Variants in DHX40 observed in about 807,000 individuals in gnomAD.
DHX40 encodes the protein DEAH-box helicase 40.
DHX40 carries 28 observed loss-of-function variants against 89.6 expected under a neutral mutation model. The observed-to-expected ratio is 0.31, with a 90% CI of 0.23 to 0.43. The LOEUF (loss-of-function observed/expected upper bound fraction) is 0.43. Among genes scored for constraint, DHX40 ranks in the 20% least tolerant of loss-of-function variants. The probability of loss-of-function intolerance (pLI) is 1.00; values close to 1 mark genes in which losing one functional copy is unlikely to be tolerated. For synonymous variants in DHX40, 226 were observed against 283.6 expected, an observed-to-expected ratio of 0.80 and a Z score of 2.04; for missense variants, 457 against 844.0, an observed-to-expected ratio of 0.54 and a Z score of 5.68.
chr17:59,571,578 C>A (rs1023838946), intron 3 of DHX40, among the ~76,000 whole-genome samples: 3 of 151,922 alleles, frequency 2.0e-5, no homozygotes, highest in South Asian at 2.1e-4. Flanking sequence ...TCTCCCTCCC[C>A]CTAGCCTCTG....
intron 8 of DHX40, among the ~76,000 whole-genome samples, chr17:59,577,699 C>T (rs1428180277): frequency 6.6e-6 from 1 of 151,904 alleles, no homozygotes; most frequent in Non-Finnish European, 1.5e-5. Context: ...CCAATCCTCC[C>T]GCCTCAGTCT....
chr17:59,566,427 A>G (rs971612274), intron 1 of DHX40, among the ~76,000 whole-genome samples, 200 bp from the exon 2 acceptor site: 11 of 152,242 alleles, frequency 7.2e-5, no homozygotes, highest in African/African-American at 2.7e-4. Flanking sequence ...GATTTCACCA[A>G]AAAGTTGTTC....
chr17:59,600,804 A>ACTACACT (rs2030455207), intron 14 of DHX40, among the ~76,000 whole-genome samples: 2 of 151,450 alleles, frequency 1.3e-5, no homozygotes. Context: ...GTATGATGCC[A>ACTACACT]CTACACTCTA....
Position 59,575,451 on chromosome 17 carries a change from G to C in DHX40, c.953G>C (p.Cys318Ser). The C allele has an allele frequency of 1.2e-6, 2 of 1,612,676 alleles. No individual in the cohort carries two copies. The highest frequency in any genetic ancestry group is 8.5e-7 in the Non-Finnish European group (1 of 1,179,520). ...CTCGATGGCTTGTTAATATTGCCGT[G>C]TTATGGATCAATGACAACAGGTAAT... ...TTLDGLLILP[C>S]YGSMTTDQQR... is the part of the protein sequence containing the mutation. The change falls in exon 7 of 18, where the codon TGT becomes TCT. Residue 318 changes from cysteine to serine, a missense_variant. This residue lies in a region of DHX40 where 116 missense variants were observed against 188.9 expected (regional missense o/e 0.61). Transcript: ENST00000251241.
rs575673537 is a variant in DHX40 at position 59,603,828 on chromosome 17, G to C, written c.1901+1212G>C. On this transcript the variant is annotated intron_variant, in intron 15 of 17. Transcript: ENST00000251241. ...AATAAAAATCATGTTCTTCCTGATA[G>C]GATACAATGAGAAAAACACAGCATT... The C allele has an allele frequency of 2.0e-5, 3 of 152,242 alleles. No homozygotes were observed. In the South Asian group the frequency reaches 6.2e-4, roughly 32 times the overall value. 9.4% of individuals were successfully genotyped at this position (152,242 alleles called of 1,614,324 possible).
chr17:59,589,464 AC>A (rs1598161868), intron 12 of DHX40, among the ~76,000 whole-genome samples: 1 of 140,682 alleles, frequency 7.1e-6, no homozygotes, highest in East Asian at 2.1e-4. Context: ...CTTGTGATCC[AC>A]CCGCCTCAGC....
chr17:59,567,020 C>T (rs150525827), intron 2 of DHX40, among the ~76,000 whole-genome samples: 71 of 152,168 alleles, frequency 4.7e-4, no homozygotes, highest in African/African-American at 1.3e-3. Context: ...ATAATAATCT[C>T]AAATAGAATT....
chr17:59,575,180 T>A (rs1407326351), intron 6 of DHX40, among the ~76,000 whole-genome samples, 160 bp from the exon 7 acceptor site: 2 of 152,048 alleles, frequency 1.3e-5, no homozygotes, highest in East Asian at 3.8e-4. Context: ...CGAATTTTAT[T>A]GTTGAAATAT....
chr17:59,598,328 A>C (rs2030245577), intron 12 of DHX40, among the ~76,000 whole-genome samples: 1 of 152,166 alleles, frequency 6.6e-6, no homozygotes, highest in Admixed American at 6.6e-5. Flanking sequence ...ACACACACTA[A>C]ATAATGAACA....
rs1442787138 is a variant in DHX40, at chr17:59,566,538, T to A, written c.113-89T>A. ...GGATGATCCCGTCCAGCCCTAAAAT[T>A]CTATTGCCTTTCTGGTTTTAGTCAT... On this transcript the variant is annotated intron_variant, in intron 1 of 17. Coordinates refer to ENST00000251241, the MANE Select transcript of DHX40 (RefSeq NM_024612.5). 2.3e-6 allele frequency: 3 copies of A among 1,310,682 alleles called. No homozygotes were observed. In the East Asian group the frequency reaches 8.3e-5, roughly 36 times the overall value. The allele number at this position is 1,310,682 out of a possible 1,614,324, so 81.2% of individuals were successfully genotyped here.
At chr17:59,596,685 T>G (rs569423293) in intron 12 of DHX40, among the ~76,000 whole-genome samples, 5 of 152,370 alleles carry the variant, frequency 3.3e-5, no homozygotes, top group African/African-American at 1.2e-4. Context: ...CTGAGATAAA[T>G]CATATTCTTT....
rs761630441 is a variant in DHX40 at position 59,565,814 on chromosome 17, C to T, written c.112+31C>T. On this transcript the variant is annotated intron_variant, in intron 1 of 17. Coordinates refer to ENST00000251241, the MANE Select transcript of DHX40 (RefSeq NM_024612.5). ...GTCCGCGGGACGGTACGGAAGCCAG[C>T]GGGAGTTACGGCGTGGGGGTTTTGG... is the stretch of plus-strand genomic sequence containing the variant. The T allele has an allele frequency of 4.5e-6, 7 of 1,549,086 alleles. No individual in the cohort carries two copies. In the African/African-American group the frequency reaches 5.5e-5, roughly 12 times the overall value.
chr17:59,599,060 C>G (rs867065099), intron 13 of DHX40, among the ~76,000 whole-genome samples: 3 of 152,208 alleles, frequency 2.0e-5, no homozygotes, highest in Non-Finnish European at 4.4e-5. Context: ...TCTCCTCAAA[C>G]CTTTACTGAA....
chr17:59,573,689 T>C (rs758172936), intron 4 of DHX40, 51 bp from the exon 5 acceptor site: 3 of 1,570,284 alleles, frequency 1.9e-6, no homozygotes, highest in East Asian at 4.5e-5. Context: ...TCTAAAATAG[T>C]TTGGCTGTTA....
In DHX40 at chr17:59,569,974, G is replaced by C. The variant is rs375049461; in HGVS notation, c.281-544G>C. ...CAGGAGAGTTGCTTGAACCTGGGAC[G>C]CAGAGGTTGCGGTGAGCCGAGATTG... On this transcript the variant is annotated intron_variant, in intron 2 of 17. Transcript: ENST00000251241. Among the ~76,000 whole-genome samples the C allele has an allele frequency of 2.1e-5, 3 of 142,964 alleles. No homozygotes were observed. The Admixed American group carries it at 2.2e-4, about 11-fold the overall frequency. 93.8% of individuals were successfully genotyped at this position (142,964 alleles called of 152,430 possible). A position where few individuals can be genotyped will look rare whatever the true frequency, so the allele number is the denominator to read the frequency against.
intron 6 of DHX40, among the ~76,000 whole-genome samples, chr17:59,574,750 C>G (rs911632695): frequency 1.3e-4 from 19 of 151,782 alleles, no homozygotes; most frequent in African/African-American, 3.4e-4. Flanking sequence ...TCACCAGGTT[C>G]TTCTTTGGGT....
intron 3 of DHX40, among the ~76,000 whole-genome samples, chr17:59,571,624 A>G (rs964626774): frequency 2.7e-5 from 4 of 147,726 alleles, no homozygotes; most frequent in South Asian, 2.2e-4. Context: ...GAAGTCTCAC[A>G]CCATTGCCCG....
chr17:59,568,361 A>G (rs988812948), intron 2 of DHX40, among the ~76,000 whole-genome samples: 3 of 152,228 alleles, frequency 2.0e-5, no homozygotes, highest in Admixed American at 6.5e-5. Flanking sequence ...GCCTTAAAAA[A>G]TAACAAATGT....
At chr17:59,573,372 C>G in intron 4 of DHX40, 137 bp downstream of exon 4, 2 of 752,704 alleles carry the variant, frequency 2.7e-6, no homozygotes, top group Non-Finnish European at 4.2e-6. Flanking sequence ...CTCCATCACC[C>G]AGGCTGGAGA....
Sources: allele counts gnomAD v4.1 joint callset (sites outside exome capture counted in the v4.1 genomes callset), GRCh38; gene constraint gnomAD v4.1.1; regional missense constraint gnomAD v4.1.1; transcripts MANE v1.5; gene names NCBI Gene and HGNC (gene_info 2026-07-23, HGNC 2026-07-21).